The following BEAN1 variants were observed in gnomAD, a reference collection of about 807,000 sequenced individuals.
BEAN1 encodes brain expressed associated with NEDD4 1, also known as protein BEAN1.
BEAN1 carries 17 observed loss-of-function variants against 17.7 expected under a neutral mutation model. That is an observed-to-expected ratio of 0.96 (90% CI 0.66 to 1.44). The LOEUF (loss-of-function observed/expected upper bound fraction) is 1.44, where lower values mean the gene tolerates loss of function less well. BEAN1 is among the 40% of genes most tolerant of loss of function. The pLI, the probability that BEAN1 is intolerant of heterozygous loss-of-function variation, is 0.00. For missense variants in BEAN1, 359 were observed against 374.1 expected, an observed-to-expected ratio of 0.96 and a Z score of 0.33; for synonymous variants, 142 against 151.8, an observed-to-expected ratio of 0.94 and a Z score of 0.47.
At chr16:66,442,073 G>C (rs971346556) in intron 2 of BEAN1, among the ~76,000 whole-genome samples, 3 of 152,214 alleles carry the variant, frequency 2.0e-5, no homozygotes, top group Non-Finnish European at 2.9e-5. Flanking sequence ...AGCCCAGAGG[G>C]GTTTTGGCCA....
downstream of BEAN1, chr16:66,484,192 T>C (rs16956571): frequency 0.062 from 13,245 of 213,268 alleles, 667 homozygotes; most frequent in South Asian, 0.17. The surrounding 1 kb of genome is among the most constrained non-coding windows in gnomAD (Gnocchi z 4.2). Context: ...TCATTTTGCA[T>C]GCCCTCTGTT....
intron 4 of BEAN1, among the ~76,000 whole-genome samples, chr16:66,491,728 C>T (rs544839587): frequency 6.6e-5 from 10 of 152,256 alleles, no homozygotes; most frequent in Non-Finnish European, 1.5e-4. Context: ...ATAAGGAGCA[C>T]GCAACCTAGA....
intron 4 of BEAN1, among the ~76,000 whole-genome samples, chr16:66,488,246 T>A (rs974241315): frequency 6.6e-6 from 1 of 151,920 alleles, no homozygotes; most frequent in Non-Finnish European, 1.5e-5. Context: ...GGCCTTGGAA[T>A]GTACCAATAT....
At chr16:66,446,055 C>T (rs529557319) in intron 2 of BEAN1, among the ~76,000 whole-genome samples, 14 of 152,098 alleles carry the variant, frequency 9.2e-5, no homozygotes, top group Admixed American at 8.5e-4. Flanking sequence ...TGGTGGGGCA[C>T]GCCTGTAATC....
intron 2 of BEAN1, among the ~76,000 whole-genome samples, chr16:66,456,664 A>G (rs1259838260): frequency 1.3e-5 from 2 of 152,218 alleles, no homozygotes; most frequent in African/African-American, 2.4e-5. Context: ...TGTGATGTCA[A>G]CCAGTTTGCC....
chr16:66,470,588 G>A (rs185361938), intron 3 of BEAN1, among the ~76,000 whole-genome samples: 1 of 152,262 alleles, frequency 6.6e-6, no homozygotes, highest in East Asian at 1.9e-4. Flanking sequence ...TGAATGATGA[G>A]TGAATAAAAC....
chr16:66,450,230 C>T (rs774051828), intron 2 of BEAN1, among the ~76,000 whole-genome samples: 8 of 152,118 alleles, frequency 5.3e-5, no homozygotes, highest in Admixed American at 1.3e-4. Flanking sequence ...TTACGAGAGC[C>T]GTGGGGATGG....
intron 2 of BEAN1, among the ~76,000 whole-genome samples, chr16:66,439,910 C>A (rs1030975500): frequency 6.6e-6 from 1 of 152,056 alleles, no homozygotes; most frequent in East Asian, 1.9e-4. Context: ...TCCATGGAGA[C>A]TCTGTCATTG....
At position 66,482,570 on chromosome 16, in the gene BEAN1, ATCTG is replaced by A. The variant is rs1964018800; in HGVS notation, c.*1651_*1654del. 3.3e-6 allele frequency: 1 copy of A among 300,730 alleles called. No individual in the cohort carries two copies. Among genetic ancestry groups the A allele is most frequent in the Admixed American group, 4.9e-5 (1 of 20,306 alleles). The allele number at this position is 300,730 out of a possible 1,614,324, so 18.6% of individuals were successfully genotyped here. On this transcript the variant is annotated 3_prime_UTR_variant, in exon 5 of 5. Coordinates refer to ENST00000536005, the MANE Select transcript of BEAN1 (RefSeq NM_001178020.3). ...GTGTACTGTTTTCTAGGCAAAAAAT[ATCTG>A]TCTGTTGTACTGTATAGCCTTTAAA... is the stretch of plus-strand genomic sequence containing the variant.
chr16:66,472,111 G>A (rs191032847), intron 3 of BEAN1, among the ~76,000 whole-genome samples: 4 of 152,182 alleles, frequency 2.6e-5, no homozygotes, highest in Non-Finnish European at 5.9e-5. Context: ...TTCTCGAACC[G>A]AAAAAAAGCC....
chr16:66,435,172 C>T (rs1961965502), intron 1 of BEAN1, among the ~76,000 whole-genome samples: 3 of 152,106 alleles, frequency 2.0e-5, no homozygotes, highest in Non-Finnish European at 4.4e-5. Context: ...GGAAGCAGGC[C>T]AGCCAGAGCA....
chr16:66,437,553 C>T (rs1043149784), intron 1 of BEAN1, 42 bp from the exon 2 acceptor site: 10 of 1,179,384 alleles, frequency 8.5e-6, no homozygotes, highest in Admixed American at 2.3e-5. Flanking sequence ...GCTGTGGGTG[C>T]GCCATGGGCC....
intron 2 of BEAN1, among the ~76,000 whole-genome samples, chr16:66,439,790 C>A (rs1401149616): frequency 1.3e-5 from 2 of 152,146 alleles, no homozygotes; most frequent in Non-Finnish European, 2.9e-5. Flanking sequence ...GAAGCTGAAG[C>A]CCCTGACTCT....
chr16:66,480,076 T>A (rs1451431434), intron 4 of BEAN1, among the ~76,000 whole-genome samples: 2 of 152,116 alleles, frequency 1.3e-5, no homozygotes, highest in Non-Finnish European at 2.9e-5. Context: ...CCTTCACCCC[T>A]GCCCCAGGGG....
intron 2 of BEAN1, among the ~76,000 whole-genome samples, chr16:66,455,560 C>T (rs1399267191): frequency 1.3e-5 from 2 of 152,140 alleles, no homozygotes; most frequent in African/African-American, 2.4e-5. Flanking sequence ...GAGAAAGTAG[C>T]TCTTTTGGAG....
In BEAN1 at chr16:66,482,596, T is replaced by C. The variant is rs1315049588; in HGVS notation, c.*1671T>C. The C allele has an allele frequency of 4.2e-5, 15 of 354,542 alleles. No individual in the cohort carries two copies. Among genetic ancestry groups the C allele is most frequent in the Non-Finnish European group, 7.7e-5 (14 of 182,880 alleles). The allele number at this position is 354,542 out of a possible 1,614,324, so 22.0% of individuals were successfully genotyped here. On this transcript the variant is annotated 3_prime_UTR_variant, in exon 5 of 5. Coordinates refer to ENST00000536005, the MANE Select transcript of BEAN1 (RefSeq NM_001178020.3). ...TCTGTCTGTTGTACTGTATAGCCTTTAAAATGCAGTCCAGGAATGAGACTC... is the reference window on the plus strand; with the variant it reads ...TCTGTCTGTTGTACTGTATAGCCTTCAAAATGCAGTCCAGGAATGAGACTC...
At chr16:66,489,286 C>T (rs528538570) in intron 4 of BEAN1, among the ~76,000 whole-genome samples, 1 of 152,294 alleles carries the variant, frequency 6.6e-6, no homozygotes, top group South Asian at 2.1e-4. Context: ...GGGTTCCAAT[C>T]CCAGCTCTTG....
At chr16:66,453,774 C>T (rs1245454900) in intron 2 of BEAN1, among the ~76,000 whole-genome samples, 5 of 150,158 alleles carry the variant, frequency 3.3e-5, no homozygotes, top group African/African-American at 1.2e-4. Flanking sequence ...TGCTCTGTTG[C>T]CCAGGCTGGA....
chr16:66,490,829 G>T (rs1165955438), intron 4 of BEAN1, among the ~76,000 whole-genome samples: 2 of 152,202 alleles, frequency 1.3e-5, no homozygotes, highest in Non-Finnish European at 2.9e-5. Context: ...GAGGGGCCCG[G>T]TCACCCTCCA....
Sources: allele counts gnomAD v4.1 joint callset (sites outside exome capture counted in the v4.1 genomes callset), GRCh38; gene constraint gnomAD v4.1.1; non-coding constraint Gnocchi (gnomAD v3.1); transcripts MANE v1.5; gene names NCBI Gene and HGNC (gene_info 2026-07-23, HGNC 2026-07-21).